CLPX: variants seen among roughly 807,000 people sequenced by gnomAD.
CLPX encodes the protein ATP-dependent clpX-like chaperone, mitochondrial.
In CLPX, 34 loss-of-function variants were observed where a neutral mutation model predicts 76.4. The observed-to-expected ratio is 0.45, with a 90% CI of 0.34 to 0.59. CLPX has a LOEUF of 0.59. Among genes scored for constraint, CLPX ranks in the 20% least tolerant of loss-of-function variants. CLPX has a pLI of 0.01. For missense variants in CLPX, 613 were observed against 757.0 expected (o/e 0.81, Z 2.23); for synonymous variants, 248 against 270.9 (o/e 0.92, Z 0.83).
intron 3 of CLPX, among the ~76,000 whole-genome samples, chr15:65,173,876 AG>A (rs1168037926): frequency 3.9e-5 from 6 of 152,158 alleles, no homozygotes; most frequent in South Asian, 4.1e-4. Context: ...GGAGGGGAGG[AG>A]GGTGGAGAGT....
intron 11 of CLPX, 50 bp downstream of exon 11, chr15:65,154,732 C>A: frequency 7.0e-7 from 1 of 1,422,594 alleles, no homozygotes; most frequent in South Asian, 1.3e-5. Flanking sequence ...TGTAGAATTT[C>A]AATAGCAAGA....
intron 13 of CLPX, among the ~76,000 whole-genome samples, chr15:65,151,905 G>A (rs977976251): frequency 6.6e-6 from 1 of 152,062 alleles, no homozygotes; most frequent in Admixed American, 6.6e-5. Context: ...ACTGTAGCTT[G>A]CTAGCCAAAT....
At chr15:65,155,959 C>A (rs1595936917) in intron 9 of CLPX, 103 bp from the exon 10 acceptor site, 2 of 951,734 alleles carry the variant, frequency 2.1e-6, no homozygotes, top group East Asian at 4.9e-5. Flanking sequence ...TGATTATAGT[C>A]AATGCACATA....
At position 65,156,835 on chromosome 15, in the gene CLPX, A is replaced by T; in HGVS notation, c.1146+9T>A. 6.3e-7 allele frequency: 1 copy of T among 1,599,582 alleles called. No homozygotes were observed. Among genetic ancestry groups the T allele is most frequent in the Non-Finnish European group, 8.6e-7 (1 of 1,167,218 alleles). The stretch of plus-strand genomic sequence containing the variant: ...TTAGTGGGCTTGAACAAAATACTCA[A>T]CTGCTTACTTGCTGAACGCCTTCTC... On this transcript the variant is annotated intron_variant, in intron 9 of 13. Transcript: ENST00000300107.
At chr15:65,176,928 T>C (rs2088098232) in intron 3 of CLPX, among the ~76,000 whole-genome samples, 2 of 151,844 alleles carry the variant, frequency 1.3e-5, no homozygotes, top group South Asian at 4.2e-4. Flanking sequence ...AAGGTTGAAA[T>C]GTTTCTTTGA....
At chr15:65,169,970 A>G (rs2087977091) in intron 3 of CLPX, among the ~76,000 whole-genome samples, 1 of 152,014 alleles carries the variant, frequency 6.6e-6, no homozygotes. Context: ...CATGTTGGTC[A>G]GGCTGGTCTC....
chr15:65,155,127 T>C (rs768541749), intron 10 of CLPX, 46 bp from the exon 11 acceptor site: 3 of 1,495,518 alleles, frequency 2.0e-6, no homozygotes, highest in Middle Eastern at 3.4e-4. Flanking sequence ...AATCAAATGA[T>C]AGTGTATTAA....
At chr15:65,184,635 CAGCCGAGCCCCTCCTGG>C (rs2088229550) in intron 1 of CLPX, among the ~76,000 whole-genome samples, 1 of 152,258 alleles carries the variant, frequency 6.6e-6, no homozygotes, top group African/African-American at 2.4e-5. Context: ...GACAGATCCT[CAGCCGAGCCCCTCCTGG>C]AGCCCCCAAC....
intron 7 of CLPX, chr15:65,158,369 G>A (rs2087815810): frequency 2.2e-6 from 1 of 459,822 alleles, no homozygotes; most frequent in Non-Finnish European, 3.8e-6. Context: ...TTCCTGTGAA[G>A]ATGTTAGGGA....
chr15:65,177,101 T>C (rs1269647795), intron 3 of CLPX, among the ~76,000 whole-genome samples: 4 of 152,052 alleles, frequency 2.6e-5, no homozygotes, highest in Non-Finnish European at 5.9e-5. Flanking sequence ...AGTTTCACTC[T>C]GTCGCCCAGG....
chr15:65,169,572 A>G (rs1175495975), intron 3 of CLPX, among the ~76,000 whole-genome samples: 1 of 151,896 alleles, frequency 6.6e-6, no homozygotes, highest in Non-Finnish European at 1.5e-5. Flanking sequence ...TACAAAAACT[A>G]GCCGGGCATG....
intron 6 of CLPX, among the ~76,000 whole-genome samples, chr15:65,160,592 T>TTCTCTCTCTC (rs1226717522): frequency 5.9e-5 from 7 of 118,518 alleles, no homozygotes; most frequent in African/African-American, 2.1e-4. Flanking sequence ...CATTCACTCA[T>TTCTCTCTCTC]TCTCTCTCTC....
rs553708071 is a variant in CLPX, at chr15:65,152,613, G to T, written c.1705-77C>A. 2.1e-4 allele frequency: 117 copies of T among 561,492 alleles called. No homozygotes were observed. The African/African-American group carries it at 2.2e-3, about 11-fold the overall frequency. 34.8% of individuals were successfully genotyped at this position (561,492 alleles called of 1,614,324 possible). On this transcript the variant is annotated intron_variant, in intron 12 of 13. Coordinates refer to ENST00000300107, the MANE Select transcript of CLPX (RefSeq NM_006660.5). ...GCTTTTATTCTATAAATCACAAATT[G>T]GAATCCATTCACTCAAGGAAAAAGA...
intron 10 of CLPX, 59 bp downstream of exon 10, chr15:65,155,633 C>G: frequency 7.3e-7 from 1 of 1,378,690 alleles, no homozygotes. Context: ...AGAATGGAAA[C>G]TGAGTGTACA....
At chr15:65,183,029 GGC>G (rs2088196625) in intron 1 of CLPX, among the ~76,000 whole-genome samples, 1 of 151,992 alleles carries the variant, frequency 6.6e-6, no homozygotes, top group Admixed American at 6.6e-5. Flanking sequence ...GGGGCGTGGT[GGC>G]GCGCGCCTGT....
At chr15:65,151,396 T>C (rs529681880) in intron 13 of CLPX, among the ~76,000 whole-genome samples, 1 of 97,250 alleles carries the variant, frequency 1.0e-5, no homozygotes, top group Non-Finnish European at 2.0e-5. Context: ...AAACAGACTA[T>C]ACAACCAAGA....
intron 6 of CLPX, among the ~76,000 whole-genome samples, chr15:65,160,623 T>TCTCTCTCTCTCTCTCTCTCTCTCACA (rs1219208926): frequency 9.9e-6 from 1 of 100,970 alleles, no homozygotes; most frequent in Non-Finnish European, 2.1e-5. Flanking sequence ...TCTCTCTCTC[T>TCTCTCTCTCTCTCTCTCTCTCTCACA]CACACACACA....
chr15:65,179,446 G>A (rs879571831), intron 2 of CLPX, among the ~76,000 whole-genome samples: 7 of 152,122 alleles, frequency 4.6e-5, no homozygotes, highest in Admixed American at 3.3e-4. Flanking sequence ...TCTCTAAAAT[G>A]GGAATAATTT....
rs1446757649 is a variant in CLPX at position 65,150,909 on chromosome 15, G to A, written c.1816C>T (p.Pro606Ser). 6 of 1,600,206 alleles carry A rather than the reference G, an allele frequency of 3.7e-6. No homozygotes were observed. The East Asian group carries it at 6.7e-5, about 18-fold the overall frequency. The change falls in exon 14 of 14, where the codon CCA becomes TCA. Residue 606 changes from proline (P) to serine (S), a missense_variant. Transcript: ENST00000300107. Reference protein sequence around the residue: ...GKKEPGYIRAPTKESSEEEYD... With the variant: ...GKKEPGYIRASTKESSEEEYD... ...TCCTCTTCAGAGGATTCTTTTGTTG[G>A]AGCCCTACAATGAAAAGCCATGTTT...
Sources: allele counts gnomAD v4.1 joint callset (sites outside exome capture counted in the v4.1 genomes callset), GRCh38; gene constraint gnomAD v4.1.1; transcripts MANE v1.5; gene names NCBI Gene and HGNC (gene_info 2026-07-23, HGNC 2026-07-21).